The following SLC66A1 variants were observed in gnomAD, a reference collection of about 807,000 sequenced individuals.
SLC66A1 encodes the protein solute carrier family 66 member 1.
In SLC66A1, 23 loss-of-function variants were observed where a neutral mutation model predicts 33.0. The ratio of observed to expected loss-of-function variants is 0.70; its 90% CI spans 0.50 to 0.99. The LOEUF is 0.99. Among genes scored for constraint, SLC66A1 ranks in the 50% least tolerant of loss-of-function variants. The pLI, the probability that SLC66A1 is intolerant of heterozygous loss-of-function variation, is 0.00. For missense variants in SLC66A1, 335 were observed against 383.6 expected (o/e 0.87, Z 1.06); for synonymous variants, 164 against 175.5 (o/e 0.93, Z 0.52).
At position 19,328,675 on chromosome 1, in the gene SLC66A1, A is replaced by G. The variant is rs2152018307; in HGVS notation, c.*32A>G. ...CCAGGCTGAGCGCAGGAGGACAGGC[A>G]CCACCGGATGCCACACCAGGCAGGA... On this transcript the variant is annotated 3_prime_UTR_variant, in exon 8 of 8. Transcript: ENST00000375153. The surrounding 1 kb of genome is among the most constrained non-coding windows in gnomAD (Gnocchi z 4.7). 1.9e-6 allele frequency: 3 copies of G among 1,606,748 alleles called. No homozygotes were observed. In the South Asian group the frequency reaches 3.3e-5, roughly 18 times the overall value.
Position 19,312,695 on chromosome 1 carries a change from C to G in SLC66A1, c.-273C>G, listed in dbSNP as rs1281196162. 1.3e-5 allele frequency: 2 copies of G among 152,816 alleles called. No individual in the cohort carries two copies. The highest frequency in any genetic ancestry group is 2.9e-5 in the Non-Finnish European group (2 of 68,156). The allele number at this position is 152,816 out of a possible 1,614,324, so 9.5% of individuals were successfully genotyped here. A position where few individuals can be genotyped will look rare whatever the true frequency, so the allele number is the denominator to read the frequency against. On this transcript the variant is annotated 5_prime_UTR_variant, in exon 1 of 8. Coordinates refer to ENST00000375153, the MANE Select transcript of SLC66A1 (RefSeq NM_001040125.2). ...GCGAGGGGCCCTCGCGGCGCTGGCC[C>G]CAGCAGCTGTCCTATCATTATCCCT...
At chr1:19,322,392 C>T (rs577182885) in intron 2 of SLC66A1, among the ~76,000 whole-genome samples, 1 of 152,216 alleles carries the variant, frequency 6.6e-6, no homozygotes, top group Admixed American at 6.5e-5. Context: ...CTGGTCTTCC[C>T]TAGGACTCAG....
At chr1:19,333,426 C>T (rs2093897456), downstream of SLC66A1, among the ~76,000 whole-genome samples, 1 of 152,114 alleles carries the variant, frequency 6.6e-6, no homozygotes, top group Admixed American at 6.6e-5. The surrounding 1 kb of genome is among the most constrained non-coding windows in gnomAD (Gnocchi z 4.2). Flanking sequence ...AAGTGATCCT[C>T]CCACCTCAGC....
At chr1:19,313,532 G>T (rs986179694) in intron 1 of SLC66A1, among the ~76,000 whole-genome samples, 1 of 152,234 alleles carries the variant, frequency 6.6e-6, no homozygotes, top group East Asian at 1.9e-4. Flanking sequence ...AAGGGGAGAG[G>T]AGGAGGTGGA....
At chr1:19,315,668 C>G (rs1226873181) in intron 1 of SLC66A1, among the ~76,000 whole-genome samples, 1 of 152,206 alleles carries the variant, frequency 6.6e-6, no homozygotes, top group Non-Finnish European at 1.5e-5. Context: ...AAAGAGGAAG[C>G]CCACTTTCTG....
chr1:19,319,082 G>A (rs935087068), intron 2 of SLC66A1, among the ~76,000 whole-genome samples: 4 of 152,210 alleles, frequency 2.6e-5, no homozygotes, highest in African/African-American at 4.8e-5. Context: ...TTATCCTAAG[G>A]GATAAAGACA....
At chr1:19,330,618 G>A (rs375027412), downstream of SLC66A1, among the ~76,000 whole-genome samples, 17 of 152,190 alleles carry the variant, frequency 1.1e-4, no homozygotes, top group East Asian at 7.7e-4. Flanking sequence ...GCAGAGGGGA[G>A]GGCAGTTCAG....
chr1:19,332,103 A>G (rs1174154538), downstream of SLC66A1, among the ~76,000 whole-genome samples: 2 of 152,040 alleles, frequency 1.3e-5, no homozygotes, highest in African/African-American at 2.4e-5. Context: ...CAGCGCCCCA[A>G]GGAGGATTCA....
intron 2 of SLC66A1, among the ~76,000 whole-genome samples, chr1:19,318,155 T>C (rs1020920185): frequency 6.6e-6 from 1 of 152,188 alleles, no homozygotes; most frequent in Non-Finnish European, 1.5e-5. Flanking sequence ...CAGGGACAGT[T>C]ACCATCCATC....
intron 1 of SLC66A1, among the ~76,000 whole-genome samples, chr1:19,315,714 GTCTCTC>G (rs566291332): frequency 6.6e-6 from 1 of 152,004 alleles, no homozygotes; most frequent in Admixed American, 6.6e-5. Flanking sequence ...AGGCTTCTCT[GTCTCTC>G]TCTCTCCCTC....
At chr1:19,334,010 T>A (rs1407677050), downstream of SLC66A1, among the ~76,000 whole-genome samples, 1 of 152,140 alleles carries the variant, frequency 6.6e-6, no homozygotes, top group Admixed American at 6.5e-5. Flanking sequence ...GTGGATTAAC[T>A]CAGTTCAACT....
intron 2 of SLC66A1, 91 bp from the exon 3 acceptor site, chr1:19,324,542 A>G (rs1412290825): frequency 2.7e-6 from 4 of 1,498,302 alleles, no homozygotes; most frequent in East Asian, 2.3e-5. Context: ...CTCGATCCCC[A>G]TGGTCGTCTC....
rs573520647 is a variant in SLC66A1 at position 19,325,220 on chromosome 1, C to T, written c.295-275C>T. On this transcript the variant is annotated intron_variant, in intron 3 of 7. Transcript: ENST00000375153. ...AGGCCAAACCAGAGCCATCACTTCA[C>T]CGCGGAGTCCCACTTTGTCCTGACT... Among the ~76,000 whole-genome samples the T allele has an allele frequency of 3.9e-5, 6 of 152,342 alleles. No homozygotes were observed. The East Asian group carries it at 7.7e-4, about 20-fold the overall frequency.
downstream of SLC66A1, among the ~76,000 whole-genome samples, chr1:19,332,202 C>T (rs1013109631): frequency 2.6e-5 from 4 of 152,158 alleles, no homozygotes; most frequent in African/African-American, 7.2e-5. Flanking sequence ...AGGCAGGTGA[C>T]GGGGAGCACA....
At chr1:19,323,832 T>TG (rs1425962826) in intron 2 of SLC66A1, among the ~76,000 whole-genome samples, 11 of 152,328 alleles carry the variant, frequency 7.2e-5, no homozygotes, top group Admixed American at 7.2e-4. Context: ...AGGTAGGGGT[T>TG]GAATCCGAGT....
At chr1:19,334,031 C>A (rs191423033), downstream of SLC66A1, among the ~76,000 whole-genome samples, 4 of 152,370 alleles carry the variant, frequency 2.6e-5, no homozygotes, top group South Asian at 4.1e-4. Context: ...GATAACTACT[C>A]CTCCAGGCCC....
At chr1:19,314,080 A>G (rs2093792634) in intron 1 of SLC66A1, among the ~76,000 whole-genome samples, 1 of 152,138 alleles carries the variant, frequency 6.6e-6, no homozygotes, top group Admixed American at 6.5e-5. Flanking sequence ...CTCCATTGCA[A>G]CCTTGGACAT....
chr1:19,318,705 T>C (rs983177812), intron 2 of SLC66A1, among the ~76,000 whole-genome samples: 11 of 150,934 alleles, frequency 7.3e-5, no homozygotes, highest in Non-Finnish European at 1.2e-4. Context: ...CCCAGCACTT[T>C]GGGAGGCCGA....
Position 19,328,798 on chromosome 1 carries a change from C to G in SLC66A1, c.*155C>G, listed in dbSNP as rs570274294. 297 of 786,232 alleles carry G rather than the reference C, an allele frequency of 3.8e-4. No individual in the cohort carries two copies. The highest frequency in any genetic ancestry group is 6.2e-4 in the Admixed American group (25 of 40,376). 48.7% of individuals were successfully genotyped at this position (786,232 alleles called of 1,614,324 possible). On this transcript the variant is annotated 3_prime_UTR_variant, in exon 8 of 8. Transcript: ENST00000375153. This position sits in a 1 kb window ranked among gnomAD's most constrained non-coding sequence, Gnocchi z 4.7. ...AACCGTCCCCCCAGGAACACACCTTCAGGTAGACCCCGAAGCCTCAAGGCC... is the reference window on the plus strand; with the variant it reads ...AACCGTCCCCCCAGGAACACACCTTGAGGTAGACCCCGAAGCCTCAAGGCC...
Sources: gnomAD v4.1 joint callset for allele counts (sites outside exome capture counted in the v4.1 genomes callset) on GRCh38, gnomAD v4.1.1 for gene constraint, Gnocchi (gnomAD v3.1) non-coding constraint, MANE v1.5 for transcripts, NCBI Gene and HGNC (gene_info 2026-07-23, HGNC 2026-07-21) for gene names.